Variants in TRPV3 observed in about 807,000 individuals in gnomAD.
The protein encoded by TRPV3 is transient receptor potential cation channel subfamily V member 3.
Under a neutral mutation model 87.1 loss-of-function variants are expected in TRPV3, and 88 were observed. The observed-to-expected ratio is 1.01, with a 90% CI of 0.85 to 1.21. The LOEUF (loss-of-function observed/expected upper bound fraction) is 1.21. Ranked by LOEUF, TRPV3 falls within the 50% of genes most tolerant of loss-of-function variation. The pLI is 0.00. For missense variants in TRPV3, 1,054 were observed against 1,030.1 expected, an observed-to-expected ratio of 1.02 and a Z score of -0.32; for synonymous variants, 438 against 423.3, an observed-to-expected ratio of 1.03 and a Z score of -0.43.
chr17:3,514,212 G>C, intron 17 of TRPV3: 1 of 511,630 alleles, frequency 2.0e-6, no homozygotes, highest in African/African-American at 1.9e-5. Flanking sequence ...TCGAGTAGCT[G>C]GGATTATAGG....
chr17:3,545,152 G>A lies in TRPV3; in HGVS notation c.224+15C>T. ...TGGGCCCAGGGCAAGGGGTTGGGCT[G>A]GGGCCCGTACTCACCACTGCCGGAT... On this transcript the variant is annotated intron_variant, in intron 3 of 17. Transcript: ENST00000576742. The A allele has an allele frequency of 6.2e-7, 1 of 1,600,614 alleles. No individual in the cohort carries two copies. Among genetic ancestry groups the A allele is most frequent in the Non-Finnish European group, 8.6e-7 (1 of 1,168,926 alleles).
rs145697357 is a variant in TRPV3, at chr17:3,528,989, G to C, written c.1249C>G (p.His417Asp). The C allele has an allele frequency of 1.9e-6, 3 of 1,614,058 alleles. No individual in the cohort carries two copies. In the African/African-American group the frequency reaches 4.0e-5, roughly 22 times the overall value. ...AGCGGCTCCAGGGTCAGCATCTCAT[G>C]CCGGTTCTAGGGGTAGAATGCCACC... ...TVYNTNIDNR[H>D]EMLTLEPLHT... is the part of the protein sequence containing the mutation. The change falls in exon 10 of 18, where the codon CAT (histidine) becomes GAT (aspartate). Residue 417 changes from histidine to aspartate, a missense_variant. Transcript: ENST00000576742. This position sits in a 1 kb window ranked among gnomAD's most constrained non-coding sequence, Gnocchi z 4.2.
rs954911539 is a variant in TRPV3, at chr17:3,512,480, T to C, written c.*1437A>G. On this transcript the variant is annotated 3_prime_UTR_variant, in exon 18 of 18. Coordinates refer to ENST00000576742, the MANE Select transcript of TRPV3 (RefSeq NM_145068.4). ...ACTCTTCAGTTTGCCTCAAGCCAGA[T>C]GAACTTATCTATCGCCATGTTATCT... 1 of 152,254 alleles carries C rather than the reference T, an allele frequency of 6.6e-6. No homozygotes were observed. The highest frequency in any genetic ancestry group is 1.5e-5 in the Non-Finnish European group (1 of 68,052). 9.4% of individuals were successfully genotyped at this position (152,254 alleles called of 1,614,324 possible).
chr17:3,542,345 T>G (rs1355005083), intron 6 of TRPV3, among the ~76,000 whole-genome samples, 177 bp downstream of exon 6: 2 of 152,232 alleles, frequency 1.3e-5, no homozygotes, highest in Non-Finnish European at 2.9e-5. Context: ...TCAAAATTAT[T>G]TGCAGAATGA....
chr17:3,545,358 C>T, intron 2 of TRPV3, 87 bp from the exon 3 acceptor site: 2 of 1,027,188 alleles, frequency 1.9e-6, no homozygotes, highest in Non-Finnish European at 3.0e-6. Flanking sequence ...AGAGGGTGCC[C>T]CCATGCTGAG....
At chr17:3,514,444 AAGTC>A (rs2074155248) in intron 17 of TRPV3, 145 bp downstream of exon 17, 1 of 633,466 alleles carries the variant, frequency 1.6e-6, no homozygotes, top group African/African-American at 1.8e-5. Context: ...AGGGTTCTAA[AAGTC>A]AGAGCTGGAA....
At chr17:3,545,028 T>A in intron 3 of TRPV3, 139 bp downstream of exon 3, 1 of 582,164 alleles carries the variant, frequency 1.7e-6, no homozygotes, top group Non-Finnish European at 3.0e-6. Context: ...AGATAAATAA[T>A]AATAATAAAG....
chr17:3,546,784 T>C (rs2074530165), intron 2 of TRPV3: 1 of 385,470 alleles, frequency 2.6e-6, no homozygotes, highest in African/African-American at 2.3e-5. Flanking sequence ...TTGAGGCCAA[T>C]GCGGCAAAAC....
intron 15 of TRPV3, among the ~76,000 whole-genome samples, chr17:3,517,194 G>A (rs1481441670): frequency 2.6e-5 from 4 of 152,002 alleles, no homozygotes; most frequent in Admixed American, 6.6e-5. Flanking sequence ...AAAGTGCTGG[G>A]GTCCTGGAAT....
In TRPV3 at chr17:3,513,874, A is replaced by G. The variant is rs755123261; in HGVS notation, c.*43T>C. ...GCACAGAGTCGGTGACTCCGCCTGC[A>G]GCGCCAGACAGCGCACGCGCACACC... On this transcript the variant is annotated 3_prime_UTR_variant, in exon 18 of 18. Transcript: ENST00000576742. 2.6e-6 allele frequency: 4 copies of G among 1,526,114 alleles called. No homozygotes were observed. The African/African-American group carries it at 5.5e-5, about 21-fold the overall frequency. 94.5% of individuals were successfully genotyped at this position (1,526,114 alleles called of 1,614,324 possible).
Position 3,557,261 on chromosome 17 carries a change from C to T in TRPV3, c.-3+415G>A, listed in dbSNP as rs755876498. Among the ~76,000 whole-genome samples, 40 of 152,264 alleles carry T rather than the reference C, an allele frequency of 2.6e-4. No individual in the cohort carries two copies. Among genetic ancestry groups the T allele is most frequent in the African/African-American group, 9.1e-4 (38 of 41,558 alleles). ...TGCTGACTCAGCACCTGTGAGATGC[C>T]TGGGCCCCGTCTGTCTCCCACGGTG... On this transcript the variant is annotated intron_variant, in intron 1 of 17. Transcript: ENST00000576742. This position sits in a 1 kb window ranked among gnomAD's most constrained non-coding sequence, Gnocchi z 4.5.
At position 3,546,976 on chromosome 17, in the gene TRPV3, A is replaced by T. The variant is rs993237000; in HGVS notation, c.120-1705T>A. Among the ~76,000 whole-genome samples, 34 of 151,882 alleles carry T rather than the reference A, an allele frequency of 2.2e-4. 2 individuals are homozygous for T. Among genetic ancestry groups the T allele is most frequent in the Non-Finnish European group, 3.7e-4 (25 of 67,950 alleles). ...GAGCGGGACTCCTTCTCAAAAAAAAAAAACTGGGTCTGGGTGACTCTCCTT... is the reference window on the plus strand; with the variant it reads ...GAGCGGGACTCCTTCTCAAAAAAAATAAACTGGGTCTGGGTGACTCTCCTT... On this transcript the variant is annotated intron_variant, in intron 2 of 17. Transcript: ENST00000576742.
intron 5 of TRPV3, among the ~76,000 whole-genome samples, 159 bp downstream of exon 5, chr17:3,543,315 G>A (rs1255510856): frequency 6.6e-6 from 1 of 152,080 alleles, no homozygotes; most frequent in Admixed American, 6.6e-5. Flanking sequence ...ACCCTTCTGT[G>A]GTTCCCCATT....
chr17:3,524,598 C>T (rs1043074599), intron 12 of TRPV3, among the ~76,000 whole-genome samples: 1 of 151,998 alleles, frequency 6.6e-6, no homozygotes, highest in African/African-American at 2.4e-5. Flanking sequence ...CTGGTGGGGA[C>T]TTTAAAAAAA....
intron 13 of TRPV3, among the ~76,000 whole-genome samples, chr17:3,523,069 A>T (rs1442094446): frequency 6.6e-6 from 1 of 152,160 alleles, no homozygotes; most frequent in Non-Finnish European, 1.5e-5. Flanking sequence ...AAATGCCACA[A>T]ATCAGAGATT....
chr17:3,523,250 ATT>A (rs1317304334), intron 13 of TRPV3, among the ~76,000 whole-genome samples: 2 of 152,232 alleles, frequency 1.3e-5, no homozygotes, highest in Admixed American at 1.3e-4. Context: ...CTAGTATCCA[ATT>A]CAGCAAAGAA....
intron 15 of TRPV3, among the ~76,000 whole-genome samples, 156 bp from the exon 16 acceptor site, chr17:3,516,725 C>T (rs2074186790): frequency 6.6e-6 from 1 of 152,228 alleles, no homozygotes. Context: ...GACAAAAAAG[C>T]AGGCCGGGCA....
chr17:3,530,382 A>C lies in TRPV3; in HGVS notation c.1066-179T>G. ...CGTCTTTATCTGTGGAATGCGCACA[A>C]AGCTTGCTGTTCCGCCCATCTCACT... On this transcript the variant is annotated intron_variant, in intron 8 of 17. Transcript: ENST00000576742. This position sits in a 1 kb window ranked among gnomAD's most constrained non-coding sequence, Gnocchi z 4.0. 1 of 546,250 alleles carries C rather than the reference A, an allele frequency of 1.8e-6. No homozygotes were observed. Among genetic ancestry groups the C allele is most frequent in the Non-Finnish European group, 3.2e-6 (1 of 315,676 alleles). The allele number at this position is 546,250 out of a possible 1,614,324, so 33.8% of individuals were successfully genotyped here.
intron 17 of TRPV3, 78 bp from the exon 18 acceptor site, chr17:3,514,089 CT>C: frequency 7.6e-7 from 1 of 1,312,002 alleles, no homozygotes; most frequent in East Asian, 2.6e-5. Context: ...TCTTTTTTTT[CT>C]TTTTTGAGAT....
Sources: allele counts gnomAD v4.1 joint callset (sites outside exome capture counted in the v4.1 genomes callset), GRCh38; gene constraint gnomAD v4.1.1; non-coding constraint Gnocchi (gnomAD v3.1); transcripts MANE v1.5; gene names NCBI Gene and HGNC (gene_info 2026-07-23, HGNC 2026-07-21).